Variants in ARGLU1 observed in about 807,000 individuals in gnomAD.
The protein encoded by ARGLU1 is arginine and glutamate rich 1, also known as arginine and glutamate-rich protein 1.
A neutral mutation model predicts 37.6 loss-of-function variants in ARGLU1; 9 were observed. The ratio of observed to expected loss-of-function variants is 0.24; its 90% confidence interval spans 0.14 to 0.42. The LOEUF (loss-of-function observed/expected upper bound fraction) is 0.42, where lower values mean the gene tolerates loss of function less well. ARGLU1 is among the 10% of genes least tolerant of loss of function. The probability of loss-of-function intolerance (pLI) is 1.00; values close to 1 mark genes in which losing one functional copy is unlikely to be tolerated. For synonymous variants in ARGLU1, 166 were observed against 138.5 expected (o/e 1.20, Z -1.39); for missense variants, 211 against 359.2 (o/e 0.59, Z 3.34).
intron 3 of ARGLU1, among the ~76,000 whole-genome samples, chr13:106,554,536 A>C (rs1272480073): frequency 6.6e-6 from 1 of 152,172 alleles, no homozygotes; most frequent in Non-Finnish European, 1.5e-5. Flanking sequence ...GTCTCCTCCT[A>C]CACAAAGAAT....
chr13:106,552,358 T>C (rs975211171), intron 3 of ARGLU1, among the ~76,000 whole-genome samples: 25 of 152,298 alleles, frequency 1.6e-4, no homozygotes, highest in African/African-American at 6.0e-4. Flanking sequence ...CAAAAGTAAT[T>C]TGTCCTTCCT....
intron 3 of ARGLU1, among the ~76,000 whole-genome samples, chr13:106,552,761 T>G (rs929473817): frequency 6.6e-6 from 1 of 152,224 alleles, no homozygotes; most frequent in East Asian, 1.9e-4. Flanking sequence ...AAGATAGTTA[T>G]GTGTCGCCAA....
intron 3 of ARGLU1, among the ~76,000 whole-genome samples, chr13:106,550,713 C>A (rs1252836846): frequency 6.6e-6 from 1 of 152,172 alleles, no homozygotes; most frequent in Admixed American, 6.5e-5. Context: ...GGCAGGGACA[C>A]ACTTCCTCCA....
chr13:106,567,987 T>A lies in ARGLU1; in HGVS notation c.-68A>T. On this transcript the variant is annotated 5_prime_UTR_variant, in exon 1 of 4. In the 5' UTR this introduces an upstream ATG that the reference lacks. Coordinates refer to ENST00000400198, the MANE Select transcript of ARGLU1 (RefSeq NM_018011.4). This position sits in a 1 kb window ranked among gnomAD's most constrained non-coding sequence, Gnocchi z 4.3. The stretch of plus-strand genomic sequence containing the variant: ...GCGGCCAGTTCCCCTCGCCTCCGCC[T>A]TCGGACGCGGGCTGGCGGTTCTACC... 1 of 1,517,876 alleles carries A rather than the reference T, an allele frequency of 6.6e-7. No individual in the cohort carries two copies. Among genetic ancestry groups the A allele is most frequent in the Non-Finnish European group, 8.7e-7 (1 of 1,145,124 alleles). 94.0% of individuals were successfully genotyped at this position (1,517,876 alleles called of 1,614,324 possible).
At chr13:106,561,145 T>C (rs554873550) in intron 1 of ARGLU1, among the ~76,000 whole-genome samples, 1 of 152,288 alleles carries the variant, frequency 6.6e-6, no homozygotes, top group South Asian at 2.1e-4. Flanking sequence ...ACTTTGTTGT[T>C]TGAAGTCTTT....
intron 3 of ARGLU1, 149 bp from the exon 4 acceptor site, chr13:106,544,309 T>C (rs1880337367): frequency 1.8e-6 from 1 of 565,988 alleles, no homozygotes. Flanking sequence ...TCCTATGAAT[T>C]ACATGCCTTC....
chr13:106,545,709 G>A (rs1381246279), intron 3 of ARGLU1, among the ~76,000 whole-genome samples: 1 of 152,210 alleles, frequency 6.6e-6, no homozygotes, highest in Non-Finnish European at 1.5e-5. Flanking sequence ...ACGCAAAGAA[G>A]TTTAGACAGC....
chr13:106,546,982 T>C (rs1165370300), intron 3 of ARGLU1, among the ~76,000 whole-genome samples: 2 of 152,082 alleles, frequency 1.3e-5, no homozygotes, highest in Non-Finnish European at 2.9e-5. Flanking sequence ...CCATGAGGGG[T>C]TCATCCTCAT....
In ARGLU1 at chr13:106,543,907, A is replaced by G. The variant is rs1566469371; in HGVS notation, c.*89T>C. The G allele has an allele frequency of 7.5e-7, 1 of 1,337,226 alleles. No homozygotes were observed. The highest frequency in any genetic ancestry group is 1.0e-6 in the Non-Finnish European group (1 of 985,986). 82.8% of individuals were successfully genotyped at this position (1,337,226 alleles called of 1,614,324 possible). On this transcript the variant is annotated 3_prime_UTR_variant, in exon 4 of 4. Transcript: ENST00000400198. Reference sequence around the variant, plus strand: ...TTTCCAGATTTTACAAATTAAAAAAACAAAAACAAAAACAAAAAACCACTT... The same window carrying G: ...TTTCCAGATTTTACAAATTAAAAAAGCAAAAACAAAAACAAAAAACCACTT...
intron 2 of ARGLU1, chr13:106,558,364 C>T (rs1315301998): frequency 1.0e-6 from 1 of 985,016 alleles, no homozygotes; most frequent in East Asian, 1.1e-4. Context: ...GCTAAGCTTA[C>T]CAGAAAGCAA....
intron 1 of ARGLU1, among the ~76,000 whole-genome samples, chr13:106,560,886 C>T (rs1467027480): frequency 6.6e-6 from 1 of 152,154 alleles, no homozygotes; most frequent in African/African-American, 2.4e-5. Flanking sequence ...TCTAAGTGAC[C>T]TTTAAATACC....
In ARGLU1 at chr13:106,543,905, A is replaced by T. The variant is rs1293300992; in HGVS notation, c.*91T>A. 3 of 1,322,006 alleles carry T rather than the reference A, an allele frequency of 2.3e-6. No individual in the cohort carries two copies. In the African/African-American group the frequency reaches 4.6e-5, roughly 20 times the overall value. 81.9% of individuals were successfully genotyped at this position (1,322,006 alleles called of 1,614,324 possible). ...ACTTTCCAGATTTTACAAATTAAAA[A>T]AACAAAAACAAAAACAAAAAACCAC... On this transcript the variant is annotated 3_prime_UTR_variant, in exon 4 of 4. Transcript: ENST00000400198.
At chr13:106,562,747 T>A (rs1880844744) in intron 1 of ARGLU1, among the ~76,000 whole-genome samples, 1 of 151,966 alleles carries the variant, frequency 6.6e-6, no homozygotes, top group Non-Finnish European at 1.5e-5. Flanking sequence ...ATCCCAGCAC[T>A]TTGGGAGGCC....
intron 1 of ARGLU1, chr13:106,562,075 T>G (rs1254904085): frequency 6.6e-6 from 1 of 152,170 alleles, no homozygotes; most frequent in Non-Finnish European, 1.5e-5. Context: ...GCTGCTTATC[T>G]CCCTTTGTTC....
In ARGLU1 at chr13:106,543,583, A is replaced by T. The variant is rs1336888476; in HGVS notation, c.*413T>A. 1 of 153,306 alleles carries T rather than the reference A, an allele frequency of 6.5e-6. No individual in the cohort carries two copies. Among genetic ancestry groups the T allele is most frequent in the Admixed American group, 6.5e-5 (1 of 15,282 alleles). 9.5% of individuals were successfully genotyped at this position (153,306 alleles called of 1,614,324 possible). ...CTGGGAATTTCCCAATGCAATCACC[A>T]ACTTTTTCTTTTTTTATAAATATAT... On this transcript the variant is annotated 3_prime_UTR_variant, in exon 4 of 4. Coordinates refer to ENST00000400198, the MANE Select transcript of ARGLU1 (RefSeq NM_018011.4).
intron 1 of ARGLU1, among the ~76,000 whole-genome samples, chr13:106,563,921 T>A (rs540434959): frequency 1.2e-4 from 18 of 152,348 alleles, no homozygotes; most frequent in Admixed American, 3.9e-4. Context: ...TAGAGTAAGT[T>A]ACTATGCCAT....
chr13:106,543,285 T>G lies in ARGLU1; in HGVS notation c.*711A>C, dbSNP rs1186992141. The G allele has an allele frequency of 6.6e-6, 1 of 152,524 alleles. No individual in the cohort carries two copies. The allele number at this position is 152,524 out of a possible 1,614,324, so 9.4% of individuals were successfully genotyped here. ...GACCATCAAAAAGTGAACCACCCTCTTTAAGACTTAACATAACATTAAAAA... is the reference window on the plus strand; with the variant it reads ...GACCATCAAAAAGTGAACCACCCTCGTTAAGACTTAACATAACATTAAAAA... On this transcript the variant is annotated 3_prime_UTR_variant, in exon 4 of 4. Transcript: ENST00000400198.
At position 106,559,650 on chromosome 13, in the gene ARGLU1, G is replaced by C; in HGVS notation, c.355C>G (p.Gln119Glu). ...EFERQRKIRQ[Q>E]EIEEKLIEEE... ...TCGATGAGTTTTTCTTCTATTTCTT[G>C]CTGTCGACTAGCAAACAAAGTGAAA... The change falls in exon 2 of 4, where the codon CAA becomes GAA. Residue 119 changes from glutamine to glutamate, a missense_variant. By Grantham distance (29) the Gln-to-Glu change is conservative. Around this residue, in one of 3 missense-constraint regions of ARGLU1, gnomAD observed 130 missense variants for 179.8 expected, o/e 0.72. Transcript: ENST00000400198. 1 of 1,609,440 alleles carries C rather than the reference G, an allele frequency of 6.2e-7. No individual in the cohort carries two copies. The highest frequency in any genetic ancestry group is 8.5e-7 in the Non-Finnish European group (1 of 1,177,640).
rs1880687338 is a variant in ARGLU1 at position 106,557,316 on chromosome 13, AT to A, written c.574-186del. 1 of 667,740 alleles carries A rather than the reference AT, an allele frequency of 1.5e-6. No homozygotes were observed. The highest frequency in any genetic ancestry group is 2.8e-5 in the East Asian group (1 of 35,576). The allele number at this position is 667,740 out of a possible 1,614,324, so 41.4% of individuals were successfully genotyped here. On this transcript the variant is annotated intron_variant, in intron 2 of 3. Coordinates refer to ENST00000400198, the MANE Select transcript of ARGLU1 (RefSeq NM_018011.4). The surrounding 1 kb of genome is among the most constrained non-coding windows in gnomAD (Gnocchi z 5.0). ...TGGTTTCTAGCACTAAATTTAAATC[AT>A]CCCTCCCAGTCCAAACAGCAACCAA...
Sources: allele counts gnomAD v4.1 joint callset (sites outside exome capture counted in the v4.1 genomes callset), GRCh38; gene constraint gnomAD v4.1.1; regional missense constraint gnomAD v4.1.1; non-coding constraint Gnocchi (gnomAD v3.1); transcripts MANE v1.5; gene names NCBI Gene and HGNC (gene_info 2026-07-23, HGNC 2026-07-21).